KIFC3: variants seen among roughly 807,000 people sequenced by gnomAD.
The protein encoded by KIFC3 is kinesin-like protein KIFC3.
A neutral mutation model predicts 101.8 loss-of-function variants in KIFC3; 60 were observed. The observed-to-expected ratio is 0.59, with a 90% confidence interval of 0.48 to 0.73. KIFC3 has a LOEUF of 0.73. KIFC3 is among the 30% of genes least tolerant of loss of function. KIFC3 has a pLI of 0.00. For missense variants in KIFC3, 966 were observed against 1,137.1 expected, an observed-to-expected ratio of 0.85 and a Z score of 2.16; for synonymous variants, 476 against 482.7, an observed-to-expected ratio of 0.99 and a Z score of 0.18.
intron 7 of KIFC3, 133 bp downstream of exon 7, chr16:57,770,394 T>A: frequency 1.3e-6 from 1 of 788,146 alleles, no homozygotes; most frequent in Non-Finnish European, 1.8e-6. Context: ...TTGCCCTGGG[T>A]CCCGTGGCCA....
chr16:57,764,995 C>T (rs1567947140), intron 11 of KIFC3, among the ~76,000 whole-genome samples: 1 of 148,918 alleles, frequency 6.7e-6, no homozygotes, highest in Admixed American at 6.7e-5. Context: ...GTGGGCAGGG[C>T]CATGCAGTGG....
chr16:57,851,165 C>G (rs937639615), intron 1 of KIFC3, among the ~76,000 whole-genome samples: 2 of 152,094 alleles, frequency 1.3e-5, no homozygotes, highest in African/African-American at 2.4e-5. Flanking sequence ...AGTGTGTCAC[C>G]ACACCCGGCT....
chr16:57,811,742 C>T (rs2055079256), intron 1 of KIFC3, among the ~76,000 whole-genome samples: 1 of 151,844 alleles, frequency 6.6e-6, no homozygotes, highest in South Asian at 2.1e-4. Flanking sequence ...ATGGTGAAAC[C>T]CTGTCTCTAC....
chr16:57,812,920 G>C (rs1461816350), intron 1 of KIFC3, among the ~76,000 whole-genome samples: 1 of 152,222 alleles, frequency 6.6e-6, no homozygotes, highest in Non-Finnish European at 1.5e-5. Context: ...CCCCAGACTA[G>C]ACCTAACGCT....
At chr16:57,813,960 C>A in intron 1 of KIFC3, 1 of 639,044 alleles carries the variant, frequency 1.6e-6, no homozygotes, top group Non-Finnish European at 1.9e-6. Context: ...CCTGTACATC[C>A]CGCTACTGTC....
rs3803590 is a variant in KIFC3, at chr16:57,769,999, A to G, written c.940-44T>C. The G allele has an allele frequency of 0.81, 1,285,829 of 1,583,748 alleles. 529,903 individuals carry two copies. Among genetic ancestry groups the G allele is most frequent in the Non-Finnish European group, 0.85 (989,699 of 1,169,952 alleles). ...GGCTCAGTACCTCGAGGTGCGGGAGAGAGAGGGGCAGGTGCCACACCGAGA... is the reference window on the plus strand; with the variant it reads ...GGCTCAGTACCTCGAGGTGCGGGAGGGAGAGGGGCAGGTGCCACACCGAGA... On this transcript the variant is annotated intron_variant, in intron 7 of 19. Transcript: ENST00000445690. The surrounding 1 kb of genome is among the most constrained non-coding windows in gnomAD (Gnocchi z 4.3).
chr16:57,795,403 G>C (rs749319967), intron 2 of KIFC3, among the ~76,000 whole-genome samples: 1 of 152,226 alleles, frequency 6.6e-6, no homozygotes, highest in Non-Finnish European at 1.5e-5. Flanking sequence ...CCCCACCGGA[G>C]GCTCCCCTAT....
At chr16:57,816,375 AG>A in intron 1 of KIFC3, 6 of 731,052 alleles carry the variant, frequency 8.2e-6, no homozygotes, top group African/African-American at 1.8e-5. Context: ...CTCTTGAGGA[AG>A]GCCTCAGAAG....
chr16:57,792,303 C>CAA (rs1555620652), intron 3 of KIFC3, among the ~76,000 whole-genome samples: 1 of 152,232 alleles, frequency 6.6e-6, no homozygotes, highest in Non-Finnish European at 1.5e-5. Flanking sequence ...GGTTTGCCTT[C>CAA]ATCCCTTCGT....
At chr16:57,818,410 G>C (rs140947289) in intron 1 of KIFC3, among the ~76,000 whole-genome samples, 105 of 152,328 alleles carry the variant, frequency 6.9e-4, no homozygotes, top group African/African-American at 2.5e-3. Flanking sequence ...TGTCACCCAG[G>C]CTGGAGTACA....
At chr16:57,853,471 G>A (rs2056099338) in intron 1 of KIFC3, among the ~76,000 whole-genome samples, 1 of 151,586 alleles carries the variant, frequency 6.6e-6, no homozygotes, top group South Asian at 2.1e-4. Flanking sequence ...ATCTAAGAGA[G>A]GATAAGAAAG....
chr16:57,788,729 C>T, intron 3 of KIFC3: 2 of 1,289,324 alleles, frequency 1.6e-6, no homozygotes, highest in Non-Finnish European at 2.0e-6. Flanking sequence ...AAGACACAAC[C>T]AGAATCCTCA....
chr16:57,767,395 A>C (rs1350588032), intron 9 of KIFC3, among the ~76,000 whole-genome samples: 1 of 152,168 alleles, frequency 6.6e-6, no homozygotes, highest in Non-Finnish European at 1.5e-5. Context: ...AATACCATCT[A>C]ACTCATGAAT....
Position 57,770,520 on chromosome 16 carries a change from TG to T in KIFC3, c.939+6del. Reference sequence around the variant, plus strand: ...GCTGGGCATGTGCCCCCACACAGCCTGGGTACCTGCGCCCGGAGCCGCGCGG... The same window carrying T: ...GCTGGGCATGTGCCCCCACACAGCCTGGTACCTGCGCCCGGAGCCGCGCGG... On this transcript the variant is annotated splice_donor_region_variant and intron_variant, in intron 7 of 19. Transcript: ENST00000445690. The T allele has an allele frequency of 7.1e-7, 1 of 1,409,800 alleles. No homozygotes were observed. Among genetic ancestry groups the T allele is most frequent in the Non-Finnish European group, 9.3e-7 (1 of 1,081,018 alleles). 87.3% of individuals were successfully genotyped at this position (1,409,800 alleles called of 1,614,324 possible).
intron 1 of KIFC3, among the ~76,000 whole-genome samples, chr16:57,812,609 G>C (rs1185048352): frequency 6.6e-6 from 1 of 152,192 alleles, no homozygotes; most frequent in African/African-American, 2.4e-5. Context: ...GGTGTGTGTG[G>C]ACCTGAAGGA....
chr16:57,799,721 G>A (rs1598162171), intron 1 of KIFC3, among the ~76,000 whole-genome samples: 1 of 152,224 alleles, frequency 6.6e-6, no homozygotes, highest in East Asian at 1.9e-4. Flanking sequence ...ACAGCCATGT[G>A]ATAACAGGGC....
At chr16:57,791,308 T>C (rs1192701267) in intron 3 of KIFC3, among the ~76,000 whole-genome samples, 1 of 152,192 alleles carries the variant, frequency 6.6e-6, no homozygotes, top group Non-Finnish European at 1.5e-5. Flanking sequence ...GCGAGCAGGC[T>C]TGTGAGCCAT....
intron 6 of KIFC3, 23 bp downstream of exon 6, chr16:57,771,175 A>G (rs2051145821): frequency 6.2e-7 from 1 of 1,608,860 alleles, no homozygotes; most frequent in Non-Finnish European, 8.5e-7. Context: ...GCTGAGGCAC[A>G]GATCAGGTGG....
chr16:57,855,125 T>C (rs35242546), intron 1 of KIFC3, among the ~76,000 whole-genome samples: 17,285 of 142,772 alleles, frequency 0.12, 1,575 homozygotes, highest in African/African-American at 0.27. Flanking sequence ...CTTTCTTTTT[T>C]TTTTTTTTTT....
Sources: gnomAD v4.1 joint callset for allele counts (sites outside exome capture counted in the v4.1 genomes callset) on GRCh38, gnomAD v4.1.1 for gene constraint, Gnocchi (gnomAD v3.1) non-coding constraint, MANE v1.5 for transcripts, NCBI Gene and HGNC (gene_info 2026-07-23, HGNC 2026-07-21) for gene names.